PLA2G4E: variants seen among roughly 807,000 people sequenced by gnomAD.
PLA2G4E encodes phospholipase A2 group IVE.
A neutral mutation model predicts 109.1 loss-of-function variants in PLA2G4E; 84 were observed. The observed-to-expected ratio is 0.77, with a 90% CI of 0.65 to 0.92. The LOEUF (loss-of-function observed/expected upper bound fraction) is 0.92, where lower values mean the gene tolerates loss of function less well. Among genes scored for constraint, PLA2G4E ranks in the 40% least tolerant of loss-of-function variants. PLA2G4E has a pLI of 0.00. For missense variants in PLA2G4E, 1,057 were observed against 1,076.6 expected (o/e 0.98, Z 0.25); for synonymous variants, 469 against 436.1 (o/e 1.08, Z -0.94).
chr15:42,023,385 C>G (rs926830594), intron 1 of PLA2G4E, among the ~76,000 whole-genome samples: 1 of 151,116 alleles, frequency 6.6e-6, no homozygotes, highest in Non-Finnish European at 1.5e-5. Context: ...AAAGGCCATA[C>G]TTTATATTTG....
rs751123378 is a variant in PLA2G4E, at chr15:42,001,257, C to T, written c.610-37G>A. Reference sequence around the variant, plus strand: ...AAAGGAGGGTCACAGAGTGTCTGAGCACCAGCCACCTCCTTGCTCTTCCAG... The same window carrying T: ...AAAGGAGGGTCACAGAGTGTCTGAGTACCAGCCACCTCCTTGCTCTTCCAG... On this transcript the variant is annotated intron_variant, in intron 6 of 19. Transcript: ENST00000399518. 4 of 1,548,088 alleles carry T rather than the reference C, an allele frequency of 2.6e-6. No individual in the cohort carries two copies. The African/African-American group carries it at 5.5e-5, about 21-fold the overall frequency.
At position 41,999,904 on chromosome 15, in the gene PLA2G4E, C is replaced by A; in HGVS notation, c.936+13G>T. 1 of 1,603,092 alleles carries A rather than the reference C, an allele frequency of 6.2e-7. No homozygotes were observed. Among genetic ancestry groups the A allele is most frequent in the Non-Finnish European group, 8.5e-7 (1 of 1,174,320 alleles). ...AAGTAAGTCAGGGGCCCTTCCCAGA[C>A]TCAGGCACTCACCACAGGCAGGGTC... On this transcript the variant is annotated intron_variant, in intron 9 of 19. Transcript: ENST00000399518.
At chr15:42,038,727 G>A (rs917634857) in intron 1 of PLA2G4E, among the ~76,000 whole-genome samples, 5 of 152,140 alleles carry the variant, frequency 3.3e-5, no homozygotes, top group East Asian at 1.9e-4. Context: ...AGCAGTGTGC[G>A]GGCAGGGAGT....
chr15:42,049,054 C>A (rs962105737), intron 1 of PLA2G4E, among the ~76,000 whole-genome samples: 3 of 152,098 alleles, frequency 2.0e-5, no homozygotes, highest in Admixed American at 6.6e-5. Flanking sequence ...CAGGCCTAGC[C>A]GATGAGACAC....
intron 1 of PLA2G4E, among the ~76,000 whole-genome samples, chr15:42,047,034 A>C (rs1021556512): frequency 1.3e-5 from 2 of 152,260 alleles, no homozygotes; most frequent in African/African-American, 4.8e-5. Context: ...AATGGAGGGC[A>C]GATGAGGAGC....
intron 17 of PLA2G4E, 160 bp downstream of exon 17, chr15:41,987,012 C>T (rs777487483): frequency 3.1e-5 from 23 of 730,174 alleles, no homozygotes; most frequent in East Asian, 2.7e-4. Flanking sequence ...GTGTTCAAGA[C>T]GACACCACCA....
At chr15:42,020,942 G>A (rs1208096241) in intron 1 of PLA2G4E, among the ~76,000 whole-genome samples, 2 of 151,916 alleles carry the variant, frequency 1.3e-5, no homozygotes, top group East Asian at 1.9e-4. Context: ...CACCTTCAAG[G>A]CACAGGTGGC....
intron 2 of PLA2G4E, among the ~76,000 whole-genome samples, chr15:42,008,207 C>T (rs2068496783): frequency 6.6e-6 from 1 of 152,240 alleles, no homozygotes; most frequent in African/African-American, 2.4e-5. Flanking sequence ...TCTGGAAGAC[C>T]AGTCCCCAAG....
intron 12 of PLA2G4E, among the ~76,000 whole-genome samples, chr15:41,995,113 G>A (rs938911538): frequency 2.0e-5 from 3 of 152,356 alleles, no homozygotes; most frequent in Middle Eastern, 3.4e-3. Context: ...ACTTAGTAGC[G>A]GGAGAGCGTC....
chr15:41,990,262 G>C (rs757755544), intron 13 of PLA2G4E, 27 bp from the exon 14 acceptor site: 24 of 1,601,924 alleles, frequency 1.5e-5, no homozygotes, highest in Admixed American at 3.3e-5. Flanking sequence ...TGGTTAAAGA[G>C]AAGCAGCAGC....
intron 2 of PLA2G4E, chr15:42,010,242 G>C: frequency 2.2e-6 from 1 of 457,346 alleles, no homozygotes; most frequent in South Asian, 1.8e-5. Flanking sequence ...TGCACTTGGC[G>C]CGCATGATTT....
chr15:42,047,174 C>A (rs1889430615), intron 1 of PLA2G4E, among the ~76,000 whole-genome samples: 1 of 152,164 alleles, frequency 6.6e-6, no homozygotes. Context: ...GGTGGGGTGT[C>A]ACTATGTTGA....
intron 1 of PLA2G4E, among the ~76,000 whole-genome samples, chr15:42,017,444 A>T (rs920694879): frequency 6.6e-6 from 1 of 152,224 alleles, no homozygotes; most frequent in Admixed American, 6.5e-5. Context: ...GGTGCCATGT[A>T]CAGGTTCTCT....
exon 1 of PLA2G4E, chr15:42,050,585 T>A (rs1889489371): frequency 6.4e-7 from 1 of 1,550,592 alleles, no homozygotes; most frequent in Non-Finnish European, 8.7e-7. Context: ...GTCCTGTGTA[T>A]CCTCGAACTC....
At position 42,013,622 on chromosome 15, in the gene PLA2G4E, G is replaced by A. The variant is rs1347195030; in HGVS notation, c.256+63C>T. ...ACGGATCCACCTGACCATTTCTCCA[G>A]CCAGGGCCTCTTCCATCCAGATCCG... On this transcript the variant is annotated intron_variant, in intron 2 of 19. Transcript: ENST00000399518. The A allele has an allele frequency of 4.1e-6, 6 of 1,476,330 alleles. No individual in the cohort carries two copies. In the African/African-American group the frequency reaches 8.5e-5, roughly 21 times the overall value. The allele number at this position is 1,476,330 out of a possible 1,614,324, so 91.5% of individuals were successfully genotyped here.
intron 1 of PLA2G4E, among the ~76,000 whole-genome samples, chr15:42,032,500 C>T (rs1437019261): frequency 6.6e-6 from 1 of 152,182 alleles, no homozygotes; most frequent in Admixed American, 6.5e-5. Flanking sequence ...TGAGGAAGGC[C>T]TTGGCTCCCT....
At chr15:42,040,111 G>A (rs1322981723) in intron 1 of PLA2G4E, among the ~76,000 whole-genome samples, 8 of 152,062 alleles carry the variant, frequency 5.3e-5, no homozygotes, top group Admixed American at 5.2e-4. Flanking sequence ...CCGAGGTGGA[G>A]GATTGCTTGA....
chr15:42,024,943 G>A (rs12900685), intron 1 of PLA2G4E, among the ~76,000 whole-genome samples: 20,190 of 152,170 alleles, frequency 0.13, 1,783 homozygotes, highest in South Asian at 0.2. Context: ...GCTCACGCCT[G>A]TAATCCCAGC....
intron 7 of PLA2G4E, 67 bp from the exon 8 acceptor site, chr15:42,000,349 CA>C: frequency 7.0e-7 from 1 of 1,426,038 alleles, no homozygotes; most frequent in Non-Finnish European, 9.4e-7. Flanking sequence ...CTTGGTCCAG[CA>C]AAAAACCTAT....
Sources: allele counts gnomAD v4.1 joint callset (sites outside exome capture counted in the v4.1 genomes callset), GRCh38; gene constraint gnomAD v4.1.1; transcripts MANE v1.5; gene names NCBI Gene and HGNC (gene_info 2026-07-23, HGNC 2026-07-21).